Variants in ADCY2 observed in about 807,000 individuals in gnomAD.
The protein encoded by ADCY2 is adenylate cyclase type 2.
In ADCY2, 31 loss-of-function variants were observed where a neutral mutation model predicts 125.2. The ratio of observed to expected loss-of-function variants is 0.25; its 90% CI spans 0.19 to 0.33. ADCY2 has a LOEUF of 0.33. ADCY2 is among the 10% of genes least tolerant of loss of function. The pLI is 1.00. For missense variants in ADCY2, 904 were observed against 1,418.2 expected (o/e 0.64, Z 5.82); for synonymous variants, 512 against 548.4 (o/e 0.93, Z 0.93).
At chr5:7,503,957 C>T (rs1019044162) in intron 2 of ADCY2, among the ~76,000 whole-genome samples, 1 of 152,168 alleles carries the variant, frequency 6.6e-6, no homozygotes, top group African/African-American at 2.4e-5. Flanking sequence ...GCTCACTGTC[C>T]TGGGTTTGTC....
rs1207472213 is a variant in ADCY2, at chr5:7,742,128, CAAAAA to C, written c.1872-1528_1872-1524del. Among the ~76,000 whole-genome samples, 1,008 of 116,128 alleles carry C rather than the reference CAAAAA, an allele frequency of 8.7e-3. 5 individuals are homozygous for C. The highest frequency in any genetic ancestry group is 0.013 in the Non-Finnish European group (722 of 56,956). The allele number at this position is 116,128 out of a possible 152,430, so 76.2% of individuals were successfully genotyped here. A position where few individuals can be genotyped will look rare whatever the true frequency, so the allele number is the denominator to read the frequency against. ...GAAAAAGCTAGGAGAGCATAGTGCC[CAAAAA>C]AAAAAAAAAAACCTGTCAGAGCTCC... On this transcript the variant is annotated intron_variant, in intron 14 of 24. Coordinates refer to ENST00000338316, the MANE Select transcript of ADCY2 (RefSeq NM_020546.3).
In ADCY2 at chr5:7,690,759, G is replaced by A. The variant is rs10079813; in HGVS notation, c.789G>A (p.Arg263=). 5,964 of 1,610,562 alleles carry A rather than the reference G, an allele frequency of 3.7e-3. 187 individuals carry two copies. The African/African-American group carries it at 0.068, about 18-fold the overall frequency. The change falls in exon 5 of 25, where the codon AGG becomes AGA. Residue 263 remains arginine, a synonymous_variant. Transcript: ENST00000338316. The part of the protein sequence containing the change: ...AMEMKAEIIQ[R]LQGPKAGQME... ...AGATGAAAGCGGAGATCATCCAGAG[G>A]CTGCAGGGCCCCAAGGCGGGCCAGA...
chr5:7,503,572 G>A (rs562146137), intron 2 of ADCY2, among the ~76,000 whole-genome samples: 2 of 152,270 alleles, frequency 1.3e-5, no homozygotes, highest in African/African-American at 2.4e-5. Flanking sequence ...ACATGCTGCC[G>A]CCTGCCGTTG....
intron 2 of ADCY2, among the ~76,000 whole-genome samples, chr5:7,465,958 T>C (rs1464635404): frequency 6.6e-6 from 1 of 152,230 alleles, no homozygotes; most frequent in Non-Finnish European, 1.5e-5. Flanking sequence ...TGATATGTCA[T>C]TGGAGAAAAT....
intron 7 of ADCY2, among the ~76,000 whole-genome samples, chr5:7,701,276 G>T (rs1484085213): frequency 6.6e-6 from 1 of 151,984 alleles, no homozygotes; most frequent in African/African-American, 2.4e-5. Context: ...TTGGATTAAA[G>T]AATCCACCCA....
chr5:7,449,426 C>T (rs1227360162), intron 2 of ADCY2, among the ~76,000 whole-genome samples: 1 of 152,164 alleles, frequency 6.6e-6, no homozygotes, highest in Non-Finnish European at 1.5e-5. Flanking sequence ...CAAAAGAGCA[C>T]CTCTGCCTTA....
chr5:7,594,133 C>T (rs1017244138), intron 3 of ADCY2, among the ~76,000 whole-genome samples: 1 of 152,174 alleles, frequency 6.6e-6, no homozygotes, highest in Admixed American at 6.5e-5. Context: ...TGACTTTCAT[C>T]CAATCTGGCA....
chr5:7,785,715 C>A lies in ADCY2; in HGVS notation c.2469+1266C>A, dbSNP rs150841236. On this transcript the variant is annotated intron_variant, in intron 19 of 24. Transcript: ENST00000338316. ...TAATATCACCTAGATGATCATTTCT[C>A]AGAAAACAATGCAGCCATCCCCTCT... 1.8e-3 allele frequency among the ~76,000 whole-genome samples: 276 copies of A among 152,284 alleles called. 1 individual carries two copies. Among genetic ancestry groups the A allele is most frequent in the African/African-American group, 6.5e-3 (271 of 41,554 alleles).
At chr5:7,399,214 C>T (rs1435933781) in intron 1 of ADCY2, among the ~76,000 whole-genome samples, 1 of 152,148 alleles carries the variant, frequency 6.6e-6, no homozygotes, top group Non-Finnish European at 1.5e-5. Context: ...TTTTGATTTC[C>T]ATTAGACTTT....
chr5:7,805,540 C>T (rs977339472), intron 22 of ADCY2, among the ~76,000 whole-genome samples: 8 of 152,036 alleles, frequency 5.3e-5, no homozygotes, highest in African/African-American at 1.9e-4. Context: ...ACCTCCTTTC[C>T]CCTCAGGACA....
chr5:7,546,166 G>A (rs1044436365), intron 3 of ADCY2, among the ~76,000 whole-genome samples: 11 of 152,106 alleles, frequency 7.2e-5, no homozygotes, highest in African/African-American at 2.7e-4. Context: ...TTTCTTGTGC[G>A]GATTCCTATG....
At chr5:7,722,982 A>AAAAAAAAAAAAAAAAAAAC (rs1278747504) in intron 12 of ADCY2, among the ~76,000 whole-genome samples, 1 of 148,668 alleles carries the variant, frequency 6.7e-6, no homozygotes, top group African/African-American at 2.5e-5. Context: ...AAAAAAAAAA[A>AAAAAAAAAAAAAAAAAAAC]AAAAGCATGT....
At chr5:7,641,317 T>C (rs1272360377) in intron 4 of ADCY2, among the ~76,000 whole-genome samples, 1 of 152,158 alleles carries the variant, frequency 6.6e-6, no homozygotes, top group African/African-American at 2.4e-5. Context: ...TCTATATTTA[T>C]TGTGCTAAAA....
At chr5:7,467,648 A>T (rs1561042016) in intron 2 of ADCY2, among the ~76,000 whole-genome samples, 1 of 152,348 alleles carries the variant, frequency 6.6e-6, no homozygotes, top group East Asian at 1.9e-4. Context: ...TTCTAACAAA[A>T]ATAAGTGGAA....
At chr5:7,520,990 G>C in intron 3 of ADCY2, 91 bp downstream of exon 3, 1 of 1,487,762 alleles carries the variant, frequency 6.7e-7, no homozygotes, top group African/African-American at 1.4e-5. Flanking sequence ...GGTGTGTGTA[G>C]TGTGGTACCT....
intron 2 of ADCY2, among the ~76,000 whole-genome samples, chr5:7,512,218 CAAAAAAAAA>C (rs57381383): frequency 5.2e-5 from 3 of 57,920 alleles, no homozygotes; most frequent in Admixed American, 5.7e-4. Context: ...ATGACTCCAT[CAAAAAAAAA>C]AAAAAAAAAA....
At chr5:7,633,491 TA>T (rs1178231778) in intron 4 of ADCY2, among the ~76,000 whole-genome samples, 2 of 151,014 alleles carry the variant, frequency 1.3e-5, no homozygotes, top group Non-Finnish European at 3.0e-5. Context: ...AAAATAAAAA[TA>T]AAAAAGAATT....
At chr5:7,796,946 G>A (rs543230741) in intron 20 of ADCY2, 5 of 152,304 alleles carry the variant, frequency 3.3e-5, no homozygotes, top group African/African-American at 1.2e-4. Flanking sequence ...ATCCTCATTC[G>A]GAGAGAGCCA....
At chr5:7,580,610 A>G (rs544831319) in intron 3 of ADCY2, among the ~76,000 whole-genome samples, 9 of 152,240 alleles carry the variant, frequency 5.9e-5, no homozygotes, top group Non-Finnish European at 1.0e-4. Context: ...AAAGCCTAAC[A>G]TATTTGTAAT....
Sources: allele counts gnomAD v4.1 joint callset (sites outside exome capture counted in the v4.1 genomes callset), GRCh38; gene constraint gnomAD v4.1.1; transcripts MANE v1.5; gene names NCBI Gene and HGNC (gene_info 2026-07-23, HGNC 2026-07-21).